ADRA1A: variants seen among roughly 807,000 people sequenced by gnomAD.
ADRA1A encodes alpha-1A adrenergic receptor.
A neutral mutation model predicts 29.6 loss-of-function variants in ADRA1A; 31 were observed. That is an observed-to-expected ratio of 1.05 (90% confidence interval 0.79 to 1.41). The LOEUF (loss-of-function observed/expected upper bound fraction) is 1.41. ADRA1A is among the 40% of genes most tolerant of loss of function. The pLI is 0.00. For synonymous variants in ADRA1A, 311 were observed against 254.3 expected (o/e 1.22, Z -2.12); for missense variants, 619 against 601.1 (o/e 1.03, Z -0.31).
At position 26,815,539 on chromosome 8, in the gene ADRA1A, A is replaced by G. The variant is rs190286468; in HGVS notation, c.884-44873T>C. Reference sequence around the variant, plus strand: ...AAGATGAGGCCTTGGGCTTACATAAAATTGGAAGGAAAATAAACAGAGATC... The same window carrying G: ...AAGATGAGGCCTTGGGCTTACATAAGATTGGAAGGAAAATAAACAGAGATC... On this transcript the variant is annotated intron_variant, in intron 2 of 2. Coordinates refer to ENST00000380573, the MANE Select transcript of ADRA1A (RefSeq NM_000680.4). The surrounding 1 kb of genome is among the most constrained non-coding windows in gnomAD (Gnocchi z 4.2). Among the ~76,000 whole-genome samples the G allele has an allele frequency of 2.6e-5, 4 of 152,322 alleles. No individual in the cohort carries two copies. The highest frequency in any genetic ancestry group is 2.6e-4 in the Admixed American group (4 of 15,310).
downstream of ADRA1A, among the ~76,000 whole-genome samples, chr8:26,754,330 T>A (rs1289795544): frequency 6.6e-6 from 1 of 152,154 alleles, no homozygotes; most frequent in Non-Finnish European, 1.5e-5. Flanking sequence ...TAGTATAGCG[T>A]GCATACCAAA....
chr8:26,799,486 C>T (rs1210435544), intron 2 of ADRA1A, among the ~76,000 whole-genome samples: 1 of 152,334 alleles, frequency 6.6e-6, no homozygotes, highest in African/African-American at 2.4e-5. Context: ...ATATTTGAAT[C>T]TGTGGTCAAA....
chr8:26,825,711 A>G lies in ADRA1A; in HGVS notation c.883+38376T>C, dbSNP rs1390512. On this transcript the variant is annotated intron_variant, in intron 2 of 2. Coordinates refer to ENST00000380573, the MANE Select transcript of ADRA1A (RefSeq NM_000680.4). The surrounding 1 kb of genome is among the most constrained non-coding windows in gnomAD (Gnocchi z 5.7). ...TAGCTTGTAATGATATATGAATTGC[A>G]CATGCACGCTAATTTATACTCTCCC... Among the ~76,000 whole-genome samples, 130,576 of 152,270 alleles carry G rather than the reference A, an allele frequency of 0.86. 56,409 individuals carry two copies. Among genetic ancestry groups the G allele is most frequent in the African/African-American group, 0.96 (39,958 of 41,572 alleles).
chr8:26,764,486 G>A (rs147147808), downstream of ADRA1A, among the ~76,000 whole-genome samples: 175 of 152,330 alleles, frequency 1.1e-3, no homozygotes, highest in African/African-American at 3.9e-3. Flanking sequence ...GGAATTATAG[G>A]TCAGGGACAA....
In ADRA1A at chr8:26,864,819, C is replaced by T. The variant is rs767695098; in HGVS notation, c.151G>A (p.Val51Ile). The change falls in exon 2 of 3, where the codon GTA (valine) becomes ATA (isoleucine). Residue 51 changes from valine to isoleucine, a missense_variant. Transcript: ENST00000380573. This position sits in a 1 kb window ranked among gnomAD's most constrained non-coding sequence, Gnocchi z 8.1. ...GAGTGCAGGTGTCGGTGACAGGCTACGGAGAGGATCACTAGGATGTTACCC... is the reference window on the plus strand; with the variant it reads ...GAGTGCAGGTGTCGGTGACAGGCTATGGAGAGGATCACTAGGATGTTACCC... ...VLGNILVILS[V>I]ACHRHLHSVT... 1 of 1,614,100 alleles carries T rather than the reference C, an allele frequency of 6.2e-7. No homozygotes were observed. Among genetic ancestry groups the T allele is most frequent in the Non-Finnish European group, 8.5e-7 (1 of 1,180,032 alleles).
chr8:26,769,051 A>G lies in ADRA1A; in HGVS notation c.*1098T>C. 1 of 985,460 alleles carries G rather than the reference A, an allele frequency of 1.0e-6. No homozygotes were observed. Among genetic ancestry groups the G allele is most frequent in the Non-Finnish European group, 1.2e-6 (1 of 829,916 alleles). The allele number at this position is 985,460 out of a possible 1,614,324, so 61.0% of individuals were successfully genotyped here. A position where few individuals can be genotyped will look rare whatever the true frequency, so the allele number is the denominator to read the frequency against. On this transcript the variant is annotated 3_prime_UTR_variant, in exon 3 of 3. Coordinates refer to ENST00000380573, the MANE Select transcript of ADRA1A (RefSeq NM_000680.4). ...ATTTTTCAAAGTTCGGGAATAATGT[A>G]CTTGGATCATAAGGCTCATTCCAAC...
rs1327108249 is a variant in ADRA1A at position 26,865,195 on chromosome 8, CA to C, written c.-227del. 2.9e-6 allele frequency: 4 copies of C among 1,383,190 alleles called. No homozygotes were observed. In the African/African-American group the frequency reaches 5.8e-5, roughly 20 times the overall value. The allele number at this position is 1,383,190 out of a possible 1,614,324, so 85.7% of individuals were successfully genotyped here. ...AGGGGCAGGGCATTAAAGACATGGC[CA>C]GGGGCGCGCGGGGCTGCCGGGGACC... On this transcript the variant is annotated 5_prime_UTR_variant, in exon 2 of 3. Coordinates refer to ENST00000380573, the MANE Select transcript of ADRA1A (RefSeq NM_000680.4). This position sits in a 1 kb window ranked among gnomAD's most constrained non-coding sequence, Gnocchi z 7.6.
At chr8:26,834,191 T>C (rs1003121625) in intron 2 of ADRA1A, among the ~76,000 whole-genome samples, 1 of 152,202 alleles carries the variant, frequency 6.6e-6, no homozygotes, top group Non-Finnish European at 1.5e-5. Context: ...TAATAAGCAA[T>C]GTATACAATA....
downstream of ADRA1A, chr8:26,766,170 T>A: frequency 6.6e-7 from 1 of 1,514,414 alleles, no homozygotes. Context: ...AAAAAAAAAG[T>A]TGGAATACAG....
At chr8:26,797,486 A>T (rs74964042) in intron 2 of ADRA1A, among the ~76,000 whole-genome samples, 21 of 151,874 alleles carry the variant, frequency 1.4e-4, no homozygotes, top group East Asian at 1.9e-4. Flanking sequence ...TTTTGTGAAG[A>T]TGGGGTCTCA....
intron 2 of ADRA1A, among the ~76,000 whole-genome samples, chr8:26,816,821 C>T (rs1026635080): frequency 1.3e-5 from 2 of 152,168 alleles, no homozygotes; most frequent in Non-Finnish European, 1.5e-5. Context: ...GCATGCCAGC[C>T]CCCATCCTAC....
chr8:26,807,578 G>A (rs1486699281), intron 2 of ADRA1A, among the ~76,000 whole-genome samples: 2 of 150,638 alleles, frequency 1.3e-5, no homozygotes, highest in Non-Finnish European at 3.0e-5. Context: ...GAGGACCATA[G>A]CATGTTCAGG....
At chr8:26,833,077 C>T (rs531530062) in intron 2 of ADRA1A, among the ~76,000 whole-genome samples, 12 of 152,252 alleles carry the variant, frequency 7.9e-5, no homozygotes, top group African/African-American at 1.9e-4. Context: ...TATAGATATA[C>T]GTGTGTGTGG....
At chr8:26,774,672 A>G (rs1479896711) in intron 2 of ADRA1A, among the ~76,000 whole-genome samples, 2 of 151,950 alleles carry the variant, frequency 1.3e-5, no homozygotes, top group Non-Finnish European at 2.9e-5. Context: ...CTGTCTAAAA[A>G]AAAAAAAAAA....
intron 2 of ADRA1A, among the ~76,000 whole-genome samples, chr8:26,809,426 C>G (rs556911777): frequency 4.6e-5 from 7 of 152,084 alleles, no homozygotes; most frequent in Non-Finnish European, 8.8e-5. Context: ...GAACCAGAAC[C>G]CTGATTTCTC....
intron 2 of ADRA1A, among the ~76,000 whole-genome samples, chr8:26,803,401 G>C (rs1808740475): frequency 6.6e-6 from 1 of 152,024 alleles, no homozygotes; most frequent in African/African-American, 2.4e-5. Flanking sequence ...GATGACTCTT[G>C]AACTATACTT....
In ADRA1A at chr8:26,783,943, A is replaced by G. The variant is rs538116632; in HGVS notation, c.884-13277T>C. Among the ~76,000 whole-genome samples, 8 of 152,154 alleles carry G rather than the reference A, an allele frequency of 5.3e-5. No homozygotes were observed. The South Asian group carries it at 1.7e-3, about 32-fold the overall frequency. ...CTAACGCAGGAACAGAAAACCAGAC[A>G]CCACATGTTCTCACTTATAAGTGGG... On this transcript the variant is annotated intron_variant, in intron 2 of 2. Coordinates refer to ENST00000380573, the MANE Select transcript of ADRA1A (RefSeq NM_000680.4).
At chr8:26,751,458 A>G (rs1804924753), downstream of ADRA1A, among the ~76,000 whole-genome samples, 1 of 152,260 alleles carries the variant, frequency 6.6e-6, no homozygotes, top group South Asian at 2.1e-4. Context: ...TAAGAAAACT[A>G]GTTCATAGAA....
At position 26,865,907 on chromosome 8, in the gene ADRA1A, A is replaced by C. The variant is rs1813873189; in HGVS notation, c.-686-252T>G. Among the ~76,000 whole-genome samples the C allele has an allele frequency of 6.6e-6, 1 of 151,254 alleles. No homozygotes were observed. The highest frequency in any genetic ancestry group is 1.5e-5 in the Non-Finnish European group (1 of 67,704). On this transcript the variant is annotated intron_variant, in intron 1 of 2. Transcript: ENST00000380573. This position sits in a 1 kb window ranked among gnomAD's most constrained non-coding sequence, Gnocchi z 7.6. Reference sequence around the variant, plus strand: ...GATCCGAAGCGAAAAACAAACAAAAAAACAAATCCCCAAAACCCCAGGCTC... The same window carrying C: ...GATCCGAAGCGAAAAACAAACAAAACAACAAATCCCCAAAACCCCAGGCTC...
Sources: allele counts gnomAD v4.1 joint callset (sites outside exome capture counted in the v4.1 genomes callset), GRCh38; gene constraint gnomAD v4.1.1; non-coding constraint Gnocchi (gnomAD v3.1); transcripts MANE v1.5; gene names NCBI Gene and HGNC (gene_info 2026-07-23, HGNC 2026-07-21).